CNTN1: variants seen among roughly 807,000 people sequenced by gnomAD.
CNTN1 encodes contactin 1, also known as contactin-1.
Under a neutral mutation model 126.4 loss-of-function variants are expected in CNTN1, and 38 were observed. The observed-to-expected ratio is 0.30, with a 90% confidence interval of 0.23 to 0.39. CNTN1 has a LOEUF of 0.39. Ranked by LOEUF, CNTN1 falls within the 10% of genes least tolerant of loss-of-function variation. The pLI, the probability that CNTN1 is intolerant of heterozygous loss-of-function variation, is 1.00. For missense variants in CNTN1, 1,009 were observed against 1,248.4 expected (o/e 0.81, Z 2.89); for synonymous variants, 413 against 422.6 (o/e 0.98, Z 0.28).
At chr12:40,835,986 A>ATGTGTG (rs752905803) in intron 1 of CNTN1, among the ~76,000 whole-genome samples, 10 of 51,344 alleles carry the variant, frequency 1.9e-4, no homozygotes, top group East Asian at 6.6e-4. Flanking sequence ...AGGTATATAT[A>ATGTGTG]TGTGTGTGTG....
chr12:40,971,011 C>T (rs1411808228), intron 15 of CNTN1, among the ~76,000 whole-genome samples: 1 of 150,348 alleles, frequency 6.7e-6, no homozygotes, highest in Non-Finnish European at 1.5e-5. Context: ...CAGCCTTAAC[C>T]GTTGATTAAC....
chr12:40,851,414 A>G (rs919105840), intron 1 of CNTN1, among the ~76,000 whole-genome samples: 4 of 152,208 alleles, frequency 2.6e-5, no homozygotes, highest in Admixed American at 6.5e-5. Flanking sequence ...CATATTTCAC[A>G]AAGGAGTAGG....
At chr12:41,043,804 G>T (rs951560380) in intron 23 of CNTN1, among the ~76,000 whole-genome samples, 7 of 151,006 alleles carry the variant, frequency 4.6e-5, no homozygotes, top group Admixed American at 1.3e-4. Context: ...ATACACCATG[G>T]AATACTATGC....
At chr12:40,916,349 G>A (rs1215737463) in intron 3 of CNTN1, among the ~76,000 whole-genome samples, 1 of 152,030 alleles carries the variant, frequency 6.6e-6, no homozygotes, top group Admixed American at 6.6e-5. Flanking sequence ...TGTGCAATTG[G>A]GAGAGACTCA....
intron 14 of CNTN1, among the ~76,000 whole-genome samples, chr12:40,947,770 T>C: frequency 3.4e-5 from 2 of 58,690 alleles, no homozygotes; most frequent in East Asian, 8.5e-4. Flanking sequence ...ATTTCATATA[T>C]ATATATATAT....
intron 1 of CNTN1, among the ~76,000 whole-genome samples, chr12:40,763,353 G>C (rs1022576720): frequency 6.6e-6 from 1 of 152,162 alleles, no homozygotes; most frequent in African/African-American, 2.4e-5. Flanking sequence ...CTTGAGCAAA[G>C]GTCAGGAAAG....
intron 14 of CNTN1, among the ~76,000 whole-genome samples, chr12:40,946,401 C>T (rs988340601): frequency 5.9e-5 from 9 of 151,980 alleles, no homozygotes; most frequent in African/African-American, 2.2e-4. Context: ...ATGTAGTTCT[C>T]CCAATATTTC....
At chr12:41,047,214 A>G (rs564366342) in intron 23 of CNTN1, among the ~76,000 whole-genome samples, 12 of 152,206 alleles carry the variant, frequency 7.9e-5, no homozygotes, top group African/African-American at 2.9e-4. Flanking sequence ...TCACCTACAG[A>G]AACCCAGGAG....
intron 1 of CNTN1, among the ~76,000 whole-genome samples, chr12:40,827,601 A>C (rs1941656603): frequency 6.6e-6 from 1 of 152,186 alleles, no homozygotes; most frequent in Non-Finnish European, 1.5e-5. Flanking sequence ...ATATCTTTTG[A>C]ATAAAAGACA....
At chr12:40,886,205 G>A (rs1034059981) in intron 1 of CNTN1, among the ~76,000 whole-genome samples, 1 of 151,766 alleles carries the variant, frequency 6.6e-6, no homozygotes, top group African/African-American at 2.4e-5. Flanking sequence ...AACTATATTT[G>A]CCTAAGCTCC....
At chr12:40,809,528 T>C (rs1323517993) in intron 1 of CNTN1, among the ~76,000 whole-genome samples, 2 of 152,086 alleles carry the variant, frequency 1.3e-5, no homozygotes, top group Non-Finnish European at 1.5e-5. Context: ...AATATATATA[T>C]ATAAAACATT....
At chr12:40,724,370 C>A (rs1358021517) in intron 1 of CNTN1, among the ~76,000 whole-genome samples, 3 of 152,174 alleles carry the variant, frequency 2.0e-5, no homozygotes, top group East Asian at 3.9e-4. Context: ...GCTCATCCAA[C>A]TACTGATTTC....
chr12:41,012,036 TAG>T (rs1405811313), intron 17 of CNTN1, among the ~76,000 whole-genome samples: 1 of 152,116 alleles, frequency 6.6e-6, no homozygotes, highest in Non-Finnish European at 1.5e-5. Context: ...TGGTTTCTAG[TAG>T]AGAGGCGTAA....
intron 1 of CNTN1, among the ~76,000 whole-genome samples, chr12:40,695,842 T>C (rs1450546364): frequency 6.6e-6 from 1 of 152,222 alleles, no homozygotes; most frequent in Non-Finnish European, 1.5e-5. Flanking sequence ...TCCCCCAAAT[T>C]GATGACAATT....
chr12:40,721,467 C>T (rs967073483), intron 1 of CNTN1, among the ~76,000 whole-genome samples: 2 of 152,026 alleles, frequency 1.3e-5, no homozygotes, highest in East Asian at 1.9e-4. Flanking sequence ...CTTTGATTCT[C>T]AATCTCAAAA....
chr12:40,710,331 T>C (rs1941881829), intron 1 of CNTN1, among the ~76,000 whole-genome samples: 1 of 152,132 alleles, frequency 6.6e-6, no homozygotes, highest in Admixed American at 6.5e-5. Context: ...TAAGTATCAA[T>C]TAAATCTTAC....
intron 1 of CNTN1, among the ~76,000 whole-genome samples, chr12:40,904,855 G>A (rs11178978): frequency 0.1 from 15,420 of 152,196 alleles, 855 homozygotes; most frequent in Non-Finnish European, 0.12. Context: ...AGGCATTAGC[G>A]CCACAACAAT....
intron 7 of CNTN1, among the ~76,000 whole-genome samples, chr12:40,930,497 A>G (rs994723179): frequency 2.0e-5 from 3 of 151,978 alleles, no homozygotes; most frequent in Non-Finnish European, 4.4e-5. Flanking sequence ...CATAATCAGC[A>G]TGAGGTGCTA....
chr12:40,785,554 T>C (rs1312956603), intron 1 of CNTN1, among the ~76,000 whole-genome samples: 1 of 152,030 alleles, frequency 6.6e-6, no homozygotes, highest in Non-Finnish European at 1.5e-5. Context: ...GGTTTTGGGA[T>C]AGGTGGTGGA....
Sources: gnomAD v4.1 joint callset for allele counts (sites outside exome capture counted in the v4.1 genomes callset) on GRCh38, gnomAD v4.1.1 for gene constraint, MANE v1.5 for transcripts, NCBI Gene and HGNC (gene_info 2026-07-23, HGNC 2026-07-21) for gene names.